TBXAS1: variants seen among roughly 807,000 people sequenced by gnomAD.
TBXAS1 encodes thromboxane-A synthase.
In TBXAS1, 48 loss-of-function variants were observed where a neutral mutation model predicts 60.7. The ratio of observed to expected loss-of-function variants is 0.79; its 90% CI spans 0.63 to 1.01. The LOEUF is 1.01. Among genes scored for constraint, TBXAS1 ranks in the 50% least tolerant of loss-of-function variants. The probability of loss-of-function intolerance (pLI) is 0.00; values close to 1 mark genes in which losing one functional copy is unlikely to be tolerated. For synonymous variants in TBXAS1, 287 were observed against 269.7 expected (o/e 1.06, Z -0.63); for missense variants, 685 against 686.3 (o/e 1.00, Z 0.02).
intron 1 of TBXAS1, among the ~76,000 whole-genome samples, chr7:139,869,542 T>C (rs1188991347): frequency 6.6e-6 from 1 of 152,070 alleles, no homozygotes; most frequent in African/African-American, 2.4e-5. Flanking sequence ...CATGCAACAC[T>C]ACCCCTGGCT....
chr7:139,931,289 T>C (rs1387146067), intron 4 of TBXAS1, among the ~76,000 whole-genome samples: 1 of 152,186 alleles, frequency 6.6e-6, no homozygotes, highest in East Asian at 1.9e-4. Context: ...TGGAAGCCCT[T>C]GACCAGAGAG....
intron 4 of TBXAS1, chr7:139,913,469 ACGGCACTTGC>A (rs1330719477): frequency 1.3e-5 from 4 of 315,214 alleles, no homozygotes; most frequent in Non-Finnish European, 2.5e-5. Flanking sequence ...AAGCCATGAG[ACGGCACTTGC>A]CAACTGGTGT....
chr7:139,914,000 T>C (rs760704860), intron 4 of TBXAS1: 1 of 152,168 alleles, frequency 6.6e-6, no homozygotes, highest in Non-Finnish European at 1.5e-5. Flanking sequence ...GGGGCTCATA[T>C]TGATTATGAC....
At chr7:139,801,850 G>A (rs137934807) in intron 4 of TBXAS1, among the ~76,000 whole-genome samples, 189 of 152,108 alleles carry the variant, frequency 1.2e-3, no homozygotes, top group African/African-American at 4.3e-3. Flanking sequence ...TGCAACCTCT[G>A]CCTCCCAGGT....
chr7:139,871,645 C>T (rs958256552), intron 1 of TBXAS1, among the ~76,000 whole-genome samples: 1 of 152,026 alleles, frequency 6.6e-6, no homozygotes, highest in East Asian at 1.9e-4. Flanking sequence ...GGTTGCGGGC[C>T]GAGAAAACAA....
chr7:139,994,169 G>A (rs1197397143), intron 9 of TBXAS1, among the ~76,000 whole-genome samples: 3 of 152,160 alleles, frequency 2.0e-5, no homozygotes, highest in South Asian at 2.1e-4. Flanking sequence ...AGCCTCCCGC[G>A]TAGCTGGGAT....
chr7:139,839,984 CAA>C (rs563726492), intron 1 of TBXAS1, among the ~76,000 whole-genome samples: 7 of 109,268 alleles, frequency 6.4e-5, no homozygotes, highest in African/African-American at 1.1e-4. Context: ...AACTCTGTCT[CAA>C]AAAAAAAAAA....
At chr7:139,902,067 AG>A (rs61009834) in intron 3 of TBXAS1, among the ~76,000 whole-genome samples, 151,382 of 152,024 alleles carry the variant, frequency 1, 75,372 homozygotes, top group Middle Eastern at 1. Context: ...TATCAAAACC[AG>A]GGAGAATGAC....
chr7:139,991,654 T>C (rs538203590), intron 9 of TBXAS1, among the ~76,000 whole-genome samples: 12 of 152,218 alleles, frequency 7.9e-5, no homozygotes, highest in Non-Finnish European at 1.2e-4. Context: ...CATAAAGACA[T>C]AGAAACACAT....
At chr7:139,809,798 C>T (rs1797982531) in intron 4 of TBXAS1, among the ~76,000 whole-genome samples, 1 of 152,184 alleles carries the variant, frequency 6.6e-6, no homozygotes, top group African/African-American at 2.4e-5. Flanking sequence ...TGGTGCCCGT[C>T]CATGTTGAGG....
At chr7:140,006,528 C>T (rs1250813118) in intron 9 of TBXAS1, among the ~76,000 whole-genome samples, 4 of 152,204 alleles carry the variant, frequency 2.6e-5, no homozygotes, top group Non-Finnish European at 4.4e-5. Context: ...TGTTCATAGC[C>T]TTTGACCATT....
intron 3 of TBXAS1, among the ~76,000 whole-genome samples, chr7:139,897,813 G>A (rs1038496089): frequency 4.6e-5 from 7 of 152,172 alleles, no homozygotes; most frequent in African/African-American, 1.7e-4. Context: ...TGCTCAGAGT[G>A]ACAGACAGGA....
Position 139,975,368 on chromosome 7 carries a change from A to T in TBXAS1, c.1134+13135A>T, listed in dbSNP as rs970460355. Among the ~76,000 whole-genome samples, 10 of 152,196 alleles carry T rather than the reference A, an allele frequency of 6.6e-5. No individual in the cohort carries two copies. The highest frequency in any genetic ancestry group is 1.3e-4 in the Non-Finnish European group (9 of 68,038). ...CAGGGCCTAGGTCGGATTGGCACTC[A>T]CGTTTCCCGACTCCTTAGTCTGTAT... is the stretch of plus-strand genomic sequence containing the variant. On this transcript the variant is annotated intron_variant, in intron 9 of 12. Transcript: ENST00000448866. The surrounding 1 kb of genome is among the most constrained non-coding windows in gnomAD (Gnocchi z 4.4).
chr7:139,930,811 C>T (rs1406820894), intron 4 of TBXAS1, among the ~76,000 whole-genome samples: 1 of 152,072 alleles, frequency 6.6e-6, no homozygotes. Context: ...TGTGACAAGG[C>T]TGCGGGCAGG....
intron 4 of TBXAS1, among the ~76,000 whole-genome samples, chr7:139,796,083 T>G (rs558906133): frequency 1.3e-5 from 2 of 152,318 alleles, no homozygotes; most frequent in South Asian, 4.1e-4. Context: ...CTAGATCACA[T>G]TTGTTTAGAA....
chr7:139,894,761 T>C (rs532725703), intron 3 of TBXAS1, among the ~76,000 whole-genome samples: 1 of 152,274 alleles, frequency 6.6e-6, no homozygotes, highest in Admixed American at 6.5e-5. Flanking sequence ...GAGGGGATGG[T>C]TTCCCCATGT....
At chr7:139,865,731 AGAG>A (rs1279816583) in intron 1 of TBXAS1, among the ~76,000 whole-genome samples, 3 of 40,144 alleles carry the variant, frequency 7.5e-5, no homozygotes, top group Non-Finnish European at 1.0e-4. Context: ...AGGAGGAGGA[AGAG>A]GAGGAGGAGG....
intron 3 of TBXAS1, among the ~76,000 whole-genome samples, chr7:139,909,565 C>T (rs561771906): frequency 1.3e-5 from 2 of 152,280 alleles, no homozygotes; most frequent in African/African-American, 2.4e-5. Context: ...ATTTTCCTGA[C>T]AATTTTGGAA....
At chr7:139,978,362 T>G (rs1156466182) in intron 9 of TBXAS1, among the ~76,000 whole-genome samples, 1 of 151,604 alleles carries the variant, frequency 6.6e-6, no homozygotes, top group African/African-American at 2.4e-5. Context: ...ATACAACAAT[T>G]AGCCGGGCAT....
Sources: allele counts gnomAD v4.1 joint callset (sites outside exome capture counted in the v4.1 genomes callset), GRCh38; gene constraint gnomAD v4.1.1; non-coding constraint Gnocchi (gnomAD v3.1); transcripts MANE v1.5; gene names NCBI Gene and HGNC (gene_info 2026-07-23, HGNC 2026-07-21).